The following PTDSS2 variants were observed in gnomAD, a reference collection of about 807,000 sequenced individuals.
PTDSS2 encodes the protein phosphatidylserine synthase 2.
In PTDSS2, 41 loss-of-function variants were observed where a neutral mutation model predicts 64.7. The ratio of observed to expected loss-of-function variants is 0.63; its 90% CI spans 0.49 to 0.82. PTDSS2 has a LOEUF of 0.82. Ranked by LOEUF, PTDSS2 falls within the 40% of genes least tolerant of loss-of-function variation. PTDSS2 has a pLI of 0.00. For missense variants in PTDSS2, 485 were observed against 650.0 expected, an observed-to-expected ratio of 0.75 and a Z score of 2.76; for synonymous variants, 297 against 277.8, an observed-to-expected ratio of 1.07 and a Z score of -0.69.
intron 1 of PTDSS2, among the ~76,000 whole-genome samples, chr11:456,259 G>A (rs1235657441): frequency 2.2e-5 from 3 of 138,150 alleles, no homozygotes; most frequent in Non-Finnish European, 3.0e-5. Flanking sequence ...TGCGGTCCCC[G>A]ACTCCTGGGC....
At chr11:471,787 A>AGATGGTGGCCTGGGGTGACGTG (rs1847458363) in intron 2 of PTDSS2, among the ~76,000 whole-genome samples, 11 of 47,548 alleles carry the variant, frequency 2.3e-4, no homozygotes, top group African/African-American at 8.3e-4. Context: ...GGGGTGACGC[A>AGATGGTGGCCTGGGGTGACGTG]GATGGTGGCC....
At chr11:474,010 G>A in intron 3 of PTDSS2, 33 bp downstream of exon 3, 1 of 1,548,960 alleles carries the variant, frequency 6.5e-7, no homozygotes, top group Non-Finnish European at 8.9e-7. Flanking sequence ...GTGTGCCCCT[G>A]TGGCATTTCT....
In PTDSS2 at chr11:462,516, T is replaced by C. The variant is rs1846938806; in HGVS notation, c.284+2228T>C. Among the ~76,000 whole-genome samples, 1 of 152,228 alleles carries C rather than the reference T, an allele frequency of 6.6e-6. No individual in the cohort carries two copies. The highest frequency in any genetic ancestry group is 1.5e-5 in the Non-Finnish European group (1 of 68,038). ...TTGAGGGCACAAAAGAAGCCACCTG[T>C]CCTTCTCTGCTGCTGGCACCTAGAA... On this transcript the variant is annotated intron_variant, in intron 2 of 11. Transcript: ENST00000308020. The surrounding 1 kb of genome is among the most constrained non-coding windows in gnomAD (Gnocchi z 4.5).
rs1479311042 is a variant in PTDSS2, at chr11:450,403, C to T, written c.-53C>T. The T allele has an allele frequency of 4.1e-6, 5 of 1,212,060 alleles. No individual in the cohort carries two copies. The highest frequency in any genetic ancestry group is 5.1e-6 in the Non-Finnish European group (5 of 973,142). 75.1% of individuals were successfully genotyped at this position (1,212,060 alleles called of 1,614,324 possible). A position where few individuals can be genotyped will look rare whatever the true frequency, so the allele number is the denominator to read the frequency against. On this transcript the variant is annotated 5_prime_UTR_variant, in exon 1 of 12. Coordinates refer to ENST00000308020, the MANE Select transcript of PTDSS2 (RefSeq NM_030783.3). ...TGCGGCGCGTCCTCTCGCCGGTGACCCGGTGTGCGTGGGGTCGAGGCGCCG... is the reference window on the plus strand; with the variant it reads ...TGCGGCGCGTCCTCTCGCCGGTGACTCGGTGTGCGTGGGGTCGAGGCGCCG...
intron 3 of PTDSS2, 75 bp from the exon 4 acceptor site, chr11:478,983 AAGAGACACTGGGTGTGAAGGAGCCAGG>A: frequency 1.6e-5 from 14 of 883,216 alleles, no homozygotes; most frequent in Non-Finnish European, 2.7e-5. Context: ...AAGGGCCCAG[AAGAGACACTGGGTGTGAAGGAGCCAGG>A]AGCCGGCCTG....
intron 3 of PTDSS2, among the ~76,000 whole-genome samples, chr11:478,652 G>C (rs1408363871): frequency 6.6e-6 from 1 of 151,866 alleles, no homozygotes; most frequent in East Asian, 1.9e-4. Flanking sequence ...GCTGAGGCAG[G>C]AGAATCACTT....
rs553366985 is a variant in PTDSS2, at chr11:454,914, T to C, written c.182+4277T>C. On this transcript the variant is annotated intron_variant, in intron 1 of 11. Coordinates refer to ENST00000308020, the MANE Select transcript of PTDSS2 (RefSeq NM_030783.3). ...TCACCCCATCCCTTGAGCTTTGCGTTTATTCCTGGGATTCTGCATGTGAAT... is the reference window on the plus strand; with the variant it reads ...TCACCCCATCCCTTGAGCTTTGCGTCTATTCCTGGGATTCTGCATGTGAAT... Among the ~76,000 whole-genome samples the C allele has an allele frequency of 3.9e-5, 6 of 152,322 alleles. No homozygotes were observed. In the East Asian group the frequency reaches 1.2e-3, roughly 29 times the overall value.
At chr11:489,023 C>T (rs148167225) in intron 8 of PTDSS2, among the ~76,000 whole-genome samples, 63 of 152,364 alleles carry the variant, frequency 4.1e-4, no homozygotes, top group Non-Finnish European at 7.8e-4. Context: ...GCCTGGGGGA[C>T]GGGGGTCTCC....
chr11:465,917 A>G (rs1455390112), intron 2 of PTDSS2, among the ~76,000 whole-genome samples: 3 of 152,156 alleles, frequency 2.0e-5, no homozygotes, highest in Non-Finnish European at 2.9e-5. Context: ...ACTCCAGCCT[A>G]GGCGACAGAG....
At position 479,141 on chromosome 11, in the gene PTDSS2, A is replaced by G. The variant is rs367881983; in HGVS notation, c.424A>G (p.Ile142Val). 6.2e-6 allele frequency: 10 copies of G among 1,613,746 alleles called. No homozygotes were observed. Among genetic ancestry groups the G allele is most frequent in the South Asian group, 3.3e-5 (3 of 91,082 alleles). ...GGTCTACGAGCTGTTTCTCATCTTT[A>G]TACTCTTCCAGGTAAGCTGTTTTTC... ...SVVYELFLIF[I>V]LFQTVQDGRQ... The change falls in exon 4 of 12, where the codon ATA (isoleucine) becomes GTA (valine). Residue 142 changes from isoleucine to valine, a missense_variant. This residue lies in a region of PTDSS2 where 251 missense variants were observed against 348.0 expected (regional missense o/e 0.72). Coordinates refer to ENST00000308020, the MANE Select transcript of PTDSS2 (RefSeq NM_030783.3). This position sits in a 1 kb window ranked among gnomAD's most constrained non-coding sequence, Gnocchi z 4.2.
intron 5 of PTDSS2, 106 bp from the exon 6 acceptor site, chr11:487,314 C>T: frequency 8.7e-7 from 1 of 1,153,314 alleles, no homozygotes; most frequent in Non-Finnish European, 1.3e-6. Flanking sequence ...CCCTGGCCTT[C>T]TTCCCGGGGT....
chr11:481,477 C>G (rs1489730559), intron 4 of PTDSS2, among the ~76,000 whole-genome samples: 1 of 152,188 alleles, frequency 6.6e-6, no homozygotes, highest in Non-Finnish European at 1.5e-5. Flanking sequence ...CTCCGTCAGT[C>G]CTTGAAGATG....
rs1848637053 is a variant in PTDSS2 at position 490,684 on chromosome 11, G to C, written c.*102G>C. 1 of 1,305,736 alleles carries C rather than the reference G, an allele frequency of 7.7e-7. No homozygotes were observed. The highest frequency in any genetic ancestry group is 1.0e-6 in the Non-Finnish European group (1 of 970,788). 80.9% of individuals were successfully genotyped at this position (1,305,736 alleles called of 1,614,324 possible). On this transcript the variant is annotated 3_prime_UTR_variant, in exon 12 of 12. Coordinates refer to ENST00000308020, the MANE Select transcript of PTDSS2 (RefSeq NM_030783.3). ...GCCACGTGCCCGGCCTTGCCCTCAA[G>C]GTTTTTTGCTTTTCTCCTGTGCACC...
intron 8 of PTDSS2, among the ~76,000 whole-genome samples, chr11:489,055 G>A (rs1230546041): frequency 3.3e-5 from 5 of 152,250 alleles, no homozygotes; most frequent in Non-Finnish European, 7.3e-5. Flanking sequence ...TGGGTGCCCC[G>A]GCTCTGCCTG....
At chr11:487,317 C>T in intron 5 of PTDSS2, 103 bp from the exon 6 acceptor site, 1 of 1,168,570 alleles carries the variant, frequency 8.6e-7, no homozygotes, top group Non-Finnish European at 1.3e-6. Flanking sequence ...TGGCCTTCTT[C>T]CCGGGGTCTG....
rs376706134 is a variant in PTDSS2, at chr11:462,548, C to G, written c.284+2260C>G. On this transcript the variant is annotated intron_variant, in intron 2 of 11. Coordinates refer to ENST00000308020, the MANE Select transcript of PTDSS2 (RefSeq NM_030783.3). This position sits in a 1 kb window ranked among gnomAD's most constrained non-coding sequence, Gnocchi z 4.5. ...CTGCTGCTGGCACCTAGAACCTGCT[C>G]TGGGCTCCTTCCTGGAAGGCTCGGC... 1.3e-5 allele frequency among the ~76,000 whole-genome samples: 2 copies of G among 152,246 alleles called. No homozygotes were observed. The highest frequency in any genetic ancestry group is 4.1e-4 in the South Asian group (2 of 4,836).
intron 2 of PTDSS2, among the ~76,000 whole-genome samples, chr11:468,510 TAAC>T (rs997296814): frequency 3.9e-5 from 6 of 152,224 alleles, no homozygotes; most frequent in Non-Finnish European, 2.9e-5. Flanking sequence ...ACAAGAATCT[TAAC>T]TACTGCAGAT....
intron 4 of PTDSS2, among the ~76,000 whole-genome samples, chr11:485,471 G>A (rs1848308254): frequency 6.7e-6 from 1 of 149,260 alleles, no homozygotes; most frequent in South Asian, 2.1e-4. Flanking sequence ...GTGCACGGGT[G>A]TGTGTGCTCA....
intron 4 of PTDSS2, among the ~76,000 whole-genome samples, chr11:484,175 G>A (rs1369572178): frequency 6.6e-6 from 1 of 152,154 alleles, no homozygotes; most frequent in Non-Finnish European, 1.5e-5. Context: ...TCTATTTATC[G>A]TGGTGCCCAA....
Sources: allele counts gnomAD v4.1 joint callset (sites outside exome capture counted in the v4.1 genomes callset), GRCh38; gene constraint gnomAD v4.1.1; regional missense constraint gnomAD v4.1.1; non-coding constraint Gnocchi (gnomAD v3.1); transcripts MANE v1.5; gene names NCBI Gene and HGNC (gene_info 2026-07-23, HGNC 2026-07-21).